KCNQ3: variants seen among roughly 807,000 people sequenced by gnomAD.
KCNQ3 encodes the protein potassium voltage-gated channel subfamily KQT member 3.
KCNQ3 carries 30 observed loss-of-function variants against 92.5 expected under a neutral mutation model. The observed-to-expected ratio is 0.32, with a 90% confidence interval of 0.24 to 0.44. The LOEUF is 0.44. Among genes scored for constraint, KCNQ3 ranks in the 20% least tolerant of loss-of-function variants. KCNQ3 has a pLI of 1.00. For missense variants in KCNQ3, 913 were observed against 1,140.3 expected, an observed-to-expected ratio of 0.80 and a Z score of 2.87; for synonymous variants, 450 against 468.8, an observed-to-expected ratio of 0.96 and a Z score of 0.52.
At chr8:132,420,909 T>C (rs1030434942) in intron 1 of KCNQ3, among the ~76,000 whole-genome samples, 9 of 151,852 alleles carry the variant, frequency 5.9e-5, no homozygotes, top group Non-Finnish European at 1.0e-4. Flanking sequence ...AGTAGAGATG[T>C]AGAGATGCAA....
chr8:132,472,278 G>C (rs1253610394), intron 1 of KCNQ3, among the ~76,000 whole-genome samples: 1 of 152,094 alleles, frequency 6.6e-6, no homozygotes, highest in African/African-American at 2.4e-5. Context: ...CAAAAGAAAA[G>C]AAATCAATGT....
In KCNQ3 at chr8:132,142,211, A is replaced by G. The variant is rs1825318863; in HGVS notation, c.1263-880T>C. Among the ~76,000 whole-genome samples, 3 of 152,222 alleles carry G rather than the reference A, an allele frequency of 2.0e-5. 1 individual carries two copies. The highest frequency in any genetic ancestry group is 1.5e-5 in the Non-Finnish European group (1 of 68,034). Reference sequence around the variant, plus strand: ...TTCTGAGAAGGGGTCCATGGGCTTCATGATACTTCTAGAAGAGTTCCTGGT... The same window carrying G: ...TTCTGAGAAGGGGTCCATGGGCTTCGTGATACTTCTAGAAGAGTTCCTGGT... On this transcript the variant is annotated intron_variant, in intron 9 of 14. Coordinates refer to ENST00000388996, the MANE Select transcript of KCNQ3 (RefSeq NM_004519.4).
chr8:132,224,166 C>T (rs1401676108), intron 1 of KCNQ3, among the ~76,000 whole-genome samples: 1 of 141,196 alleles, frequency 7.1e-6, no homozygotes, highest in Non-Finnish European at 1.5e-5. Flanking sequence ...AACTCCTGGC[C>T]TCAAGTGATT....
chr8:132,353,114 T>C (rs1227135872), intron 1 of KCNQ3, among the ~76,000 whole-genome samples: 1 of 152,088 alleles, frequency 6.6e-6, no homozygotes, highest in Admixed American at 6.5e-5. Flanking sequence ...TAATCCTAGC[T>C]ACTCAGGAGG....
chr8:132,135,310 G>C (rs1028988489), intron 12 of KCNQ3, among the ~76,000 whole-genome samples: 1 of 152,010 alleles, frequency 6.6e-6, no homozygotes, highest in Non-Finnish European at 1.5e-5. Flanking sequence ...TCTATGCCTG[G>C]ACCAATAGGA....
intron 1 of KCNQ3, among the ~76,000 whole-genome samples, chr8:132,414,736 A>G (rs1820747798): frequency 6.6e-6 from 1 of 152,246 alleles, no homozygotes; most frequent in African/African-American, 2.4e-5. Flanking sequence ...GAAGAATAGC[A>G]AAATAATAGA....
At chr8:132,398,728 T>G (rs1011720146) in intron 1 of KCNQ3, among the ~76,000 whole-genome samples, 3 of 151,874 alleles carry the variant, frequency 2.0e-5, no homozygotes, top group Non-Finnish European at 4.4e-5. Flanking sequence ...GAGGGGAGCA[T>G]GAGAGTAAGG....
intron 1 of KCNQ3, among the ~76,000 whole-genome samples, chr8:132,334,241 G>A (rs1300247910): frequency 6.6e-6 from 1 of 151,952 alleles, no homozygotes; most frequent in African/African-American, 2.4e-5. Context: ...CGGAGGCGGA[G>A]GCAGGCAGAT....
At position 132,180,462 on chromosome 8, in the gene KCNQ3, T is replaced by G. The variant is rs1826723104; in HGVS notation, c.605-133A>C. 8 of 898,464 alleles carry G rather than the reference T, an allele frequency of 8.9e-6. No homozygotes were observed. In the East Asian group the frequency reaches 1.8e-4, roughly 20 times the overall value. The allele number at this position is 898,464 out of a possible 1,614,324, so 55.7% of individuals were successfully genotyped here. A position where few individuals can be genotyped will look rare whatever the true frequency, so the allele number is the denominator to read the frequency against. ...CAGTGGGACAATCTGAGCACTGCTG[T>G]TGAATCTTGCCACCAACAACACATG... On this transcript the variant is annotated intron_variant, in intron 3 of 14. Transcript: ENST00000388996.
chr8:132,381,696 T>A (rs1408519340), intron 1 of KCNQ3, among the ~76,000 whole-genome samples: 2 of 152,192 alleles, frequency 1.3e-5, no homozygotes, highest in African/African-American at 4.8e-5. Context: ...GTGTTGACCT[T>A]GTGGTGCTGA....
At chr8:132,254,836 A>G (rs1815529165) in intron 1 of KCNQ3, among the ~76,000 whole-genome samples, 1 of 152,188 alleles carries the variant, frequency 6.6e-6, no homozygotes, top group South Asian at 2.1e-4. Flanking sequence ...CAGAGATTGC[A>G]CCATTGCACT....
At chr8:132,391,234 A>G (rs970800143) in intron 1 of KCNQ3, among the ~76,000 whole-genome samples, 1 of 152,200 alleles carries the variant, frequency 6.6e-6, no homozygotes, top group African/African-American at 2.4e-5. Context: ...TAGGTCAGAA[A>G]CTACCCATGA....
At chr8:132,300,915 C>T (rs926620928) in intron 1 of KCNQ3, among the ~76,000 whole-genome samples, 16 of 152,066 alleles carry the variant, frequency 1.1e-4, no homozygotes, top group African/African-American at 3.1e-4. Flanking sequence ...AAAGCAATTA[C>T]GAGGGTTCAC....
At chr8:132,203,615 A>G (rs1361088358) in intron 1 of KCNQ3, among the ~76,000 whole-genome samples, 2 of 152,214 alleles carry the variant, frequency 1.3e-5, no homozygotes, top group African/African-American at 4.8e-5. Flanking sequence ...GGAGTCAGAC[A>G]GGGAATGAGT....
intron 1 of KCNQ3, among the ~76,000 whole-genome samples, chr8:132,410,207 TA>T (rs1380570095): frequency 6.6e-6 from 1 of 152,242 alleles, no homozygotes; most frequent in Non-Finnish European, 1.5e-5. Context: ...AGCCTTATTT[TA>T]AAGTGAGGAC....
intron 12 of KCNQ3, among the ~76,000 whole-genome samples, chr8:132,137,612 A>C (rs1825143981): frequency 6.6e-6 from 1 of 152,216 alleles, no homozygotes; most frequent in Non-Finnish European, 1.5e-5. Flanking sequence ...CATCGAAAGC[A>C]TCACAGTCAG....
intron 1 of KCNQ3, among the ~76,000 whole-genome samples, chr8:132,384,490 C>T (rs1053949960): frequency 1.3e-5 from 2 of 152,188 alleles, no homozygotes; most frequent in Admixed American, 1.3e-4. Flanking sequence ...ATCAGAGGGC[C>T]CTAAAGACTT....
rs1178481527 is a variant in KCNQ3 at position 132,138,032 on chromosome 8, G to A, written c.1569-16C>T. ...TTGTAGAATTCTGCAAGGCAAAGTA[G>A]AGGCATTTGTGCATCCCATGTGGAG... On this transcript the variant is annotated splice_polypyrimidine_tract_variant and intron_variant, in intron 11 of 14. Transcript: ENST00000388996. 1.2e-6 allele frequency: 2 copies of A among 1,605,422 alleles called. No homozygotes were observed. Among genetic ancestry groups the A allele is most frequent in the African/African-American group, 2.7e-5 (2 of 74,904 alleles).
intron 1 of KCNQ3, among the ~76,000 whole-genome samples, chr8:132,402,643 T>C (rs1820369774): frequency 6.6e-6 from 1 of 152,140 alleles, no homozygotes; most frequent in East Asian, 1.9e-4. Flanking sequence ...GGTGGACATA[T>C]GACATTATTC....
Sources: allele counts gnomAD v4.1 joint callset (sites outside exome capture counted in the v4.1 genomes callset), GRCh38; gene constraint gnomAD v4.1.1; transcripts MANE v1.5; gene names NCBI Gene and HGNC (gene_info 2026-07-23, HGNC 2026-07-21).